The following USP54 variants were observed in gnomAD, a reference collection of about 807,000 sequenced individuals.
The protein encoded by USP54 is ubiquitin specific peptidase 54.
A neutral mutation model predicts 170.5 loss-of-function variants in USP54; 87 were observed. The ratio of observed to expected loss-of-function variants is 0.51; its 90% CI spans 0.43 to 0.61. The LOEUF is 0.61. Ranked by LOEUF, USP54 falls within the 20% of genes least tolerant of loss-of-function variation. USP54 has a pLI of 0.00. For synonymous variants in USP54, 655 were observed against 742.8 expected (o/e 0.88, Z 1.92); for missense variants, 1,786 against 2,047.8 (o/e 0.87, Z 2.47).
In USP54 at chr10:73,575,678, G is replaced by GA. The variant is rs199859061; in HGVS notation, c.-17-4dup. 1.1e-3 allele frequency: 1,584 copies of GA among 1,495,516 alleles called. No individual in the cohort carries two copies. Among genetic ancestry groups the GA allele is most frequent in the South Asian group, 3.2e-3 (241 of 75,638 alleles). The allele number at this position is 1,495,516 out of a possible 1,614,324, so 92.6% of individuals were successfully genotyped here. ...AGACATTATTGTTCACATTTAGCCT[G>GA]AAAAAAAAATGGAGAAGGATTTGTG... On this transcript the variant is annotated splice_polypyrimidine_tract_variant and splice_region_variant and intron_variant, in intron 2 of 23. Transcript: ENST00000687698.
At chr10:73,520,101 A>G in intron 18 of USP54, 109 bp from the exon 19 acceptor site, 5 of 1,456,132 alleles carry the variant, frequency 3.4e-6, no homozygotes, top group Admixed American at 2.1e-5. Context: ...AACTCAAAAT[A>G]TGTAGCAGGA....
chr10:73,603,615 G>C (rs1443841046), intron 1 of USP54, among the ~76,000 whole-genome samples: 1 of 152,060 alleles, frequency 6.6e-6, no homozygotes, highest in Admixed American at 6.6e-5. Context: ...AGGCGTGGTG[G>C]CGCACACCTG....
At position 73,539,476 on chromosome 10, in the gene USP54, A is replaced by G. The variant is rs1451616631; in HGVS notation, c.943T>C (p.Trp315Arg). The G allele has an allele frequency of 3.1e-6, 5 of 1,610,678 alleles. No homozygotes were observed. Among genetic ancestry groups the G allele is most frequent in the Non-Finnish European group, 4.2e-6 (5 of 1,177,908 alleles). ...ACATGAGCATCATCAAAATACATCC[A>G]TTTGCGAATCTTTGTTTGAAAAAAG... ...TFFFQTKIRKWMYFDDAHVKE... is the reference protein window; with the variant it reads ...TFFFQTKIRKRMYFDDAHVKE... The change falls in exon 10 of 24, where the codon TGG becomes CGG. Residue 315 changes from tryptophan (W) to arginine (R), a missense_variant. Transcript: ENST00000687698.
chr10:73,609,541 G>A (rs1038179720), intron 1 of USP54, among the ~76,000 whole-genome samples: 1 of 151,450 alleles, frequency 6.6e-6, no homozygotes, highest in South Asian at 2.1e-4. Flanking sequence ...GTGAAACCCT[G>A]TCTTTACTTA....
chr10:73,593,376 CAA>C (rs772703814), upstream of USP54, among the ~76,000 whole-genome samples: 36 of 60,318 alleles, frequency 6.0e-4, no homozygotes, highest in Non-Finnish European at 6.3e-4. Flanking sequence ...GACCCTGTCT[CAA>C]AAAAAAAAAA....
rs140468636 is a variant in USP54 at position 73,554,847 on chromosome 10, A to G, written c.241-9175T>C. Among the ~76,000 whole-genome samples the G allele has an allele frequency of 1.9e-3, 282 of 152,330 alleles. 2 individuals carry two copies. The highest frequency in any genetic ancestry group is 6.5e-3 in the African/African-American group (272 of 41,572). ...CTGAAACATGACCATAAGGCTGGGC[A>G]CTGTGGCTCATGCCTATAATCCCAG... On this transcript the variant is annotated intron_variant, in intron 4 of 23. Transcript: ENST00000687698.
upstream of USP54, among the ~76,000 whole-genome samples, chr10:73,593,453 G>A (rs2078462524): frequency 6.6e-6 from 1 of 151,876 alleles, no homozygotes; most frequent in Non-Finnish European, 1.5e-5. Flanking sequence ...TACGTCAAGA[G>A]GGAGAGTGAT....
intron 22 of USP54, 161 bp downstream of exon 22, chr10:73,504,689 T>C (rs892505723): frequency 7.3e-6 from 7 of 956,590 alleles, no homozygotes; most frequent in Non-Finnish European, 1.1e-5. Flanking sequence ...AGCTGAATGT[T>C]TGTAAATAAA....
intron 1 of USP54, among the ~76,000 whole-genome samples, chr10:73,581,178 A>G (rs1336961592): frequency 6.6e-6 from 1 of 152,270 alleles, no homozygotes; most frequent in African/African-American, 2.4e-5. Context: ...CTAAAATCCC[A>G]GAATGGGAGG....
At chr10:73,585,006 C>T (rs1378062875) in intron 1 of USP54, among the ~76,000 whole-genome samples, 1 of 152,180 alleles carries the variant, frequency 6.6e-6, no homozygotes, top group African/African-American at 2.4e-5. Context: ...AAACACATTC[C>T]ACACCATGTC....
At chr10:73,542,693 T>C (rs1037275030) in intron 7 of USP54, 110 bp downstream of exon 7, 3 of 1,079,294 alleles carry the variant, frequency 2.8e-6, no homozygotes, top group Non-Finnish European at 4.0e-6. Flanking sequence ...ATTGTGCCAC[T>C]GCACTGCAGC....
At chr10:73,614,416 C>A (rs1448363851) in intron 1 of USP54, among the ~76,000 whole-genome samples, 1 of 149,578 alleles carries the variant, frequency 6.7e-6, no homozygotes, top group African/African-American at 2.6e-5. Flanking sequence ...AGTAAATTAG[C>A]CAGGCGTAGT....
At chr10:73,565,675 T>G (rs867801390) in intron 4 of USP54, among the ~76,000 whole-genome samples, 1 of 152,128 alleles carries the variant, frequency 6.6e-6, no homozygotes, top group Non-Finnish European at 1.5e-5. Context: ...TATACATGAG[T>G]ACCACCACAC....
rs548444240 is a variant in USP54 at position 73,526,439 on chromosome 10, GTTTCAC to G, written c.2194+202_2194+207del. The stretch of plus-strand genomic sequence containing the variant: ...TTTTTTGTATTTTAGTAGAGACGGG[GTTTCAC>G]CATGTTGCCCAGGCTGGTCACGAAC... On this transcript the variant is annotated intron_variant, in intron 16 of 23. Transcript: ENST00000687698. Among the ~76,000 whole-genome samples, 31 of 152,242 alleles carry G rather than the reference GTTTCAC, an allele frequency of 2.0e-4. 2 individuals carry two copies. The East Asian group carries it at 5.4e-3, about 27-fold the overall frequency.
At position 73,519,952 on chromosome 10, in the gene USP54, C is replaced by T. The variant is rs369618128; in HGVS notation, c.2523G>A (p.Thr841=). The change falls in exon 19 of 24, where the codon ACG becomes ACA. Residue 841 remains threonine (T), a synonymous_variant. Coordinates refer to ENST00000687698, the MANE Select transcript of USP54 (RefSeq NM_001391956.1). ...TCTTATCGACTAGGGCTCTGCTGTG[C>T]GTGCTACAGCTGGCACCATGCAGGG... ...RLALHGASCS[T]HSRALVDKKL... 1.1e-5 allele frequency: 17 copies of T among 1,612,490 alleles called. No individual in the cohort carries two copies. Among genetic ancestry groups the T allele is most frequent in the South Asian group, 8.8e-5 (8 of 90,772 alleles).
At chr10:73,572,999 T>C (rs909917340) in intron 3 of USP54, among the ~76,000 whole-genome samples, 6 of 152,128 alleles carry the variant, frequency 3.9e-5, no homozygotes, top group African/African-American at 1.4e-4. Context: ...AAAACTAATA[T>C]GTGGCCAGGT....
upstream of USP54, among the ~76,000 whole-genome samples, chr10:73,593,231 G>C (rs1423623052): frequency 6.6e-6 from 1 of 151,618 alleles, no homozygotes; most frequent in Non-Finnish European, 1.5e-5. Context: ...TTTTTAATTA[G>C]CCTGGTGTGG....
At chr10:73,616,791 C>T (rs1297811511) in intron 1 of USP54, among the ~76,000 whole-genome samples, 1 of 150,400 alleles carries the variant, frequency 6.6e-6, no homozygotes, top group African/African-American at 2.5e-5. Context: ...CACCACTGCA[C>T]TTCAACCTTA....
At chr10:73,602,869 A>AT (rs1257629156) in intron 1 of USP54, among the ~76,000 whole-genome samples, 1 of 151,536 alleles carries the variant, frequency 6.6e-6, no homozygotes, top group Non-Finnish European at 1.5e-5. Flanking sequence ...AAAAAAAAAA[A>AT]AAAAAAAAAA....
Sources: allele counts gnomAD v4.1 joint callset (sites outside exome capture counted in the v4.1 genomes callset), GRCh38; gene constraint gnomAD v4.1.1; transcripts MANE v1.5; gene names NCBI Gene and HGNC (gene_info 2026-07-23, HGNC 2026-07-21).